ZFPM2: variants seen among roughly 807,000 people sequenced by gnomAD.
ZFPM2 encodes the protein zinc finger protein, FOG family member 2.
ZFPM2 carries 20 observed loss-of-function variants against 98.6 expected under a neutral mutation model. The ratio of observed to expected loss-of-function variants is 0.20; its 90% confidence interval spans 0.14 to 0.29. ZFPM2 has a LOEUF of 0.29. Ranked by LOEUF, ZFPM2 falls within the 10% of genes least tolerant of loss-of-function variation. The probability of loss-of-function intolerance (pLI) is 1.00; values close to 1 mark genes in which losing one functional copy is unlikely to be tolerated. For missense variants in ZFPM2, 1,310 were observed against 1,388.6 expected, an observed-to-expected ratio of 0.94 and a Z score of 0.90; for synonymous variants, 518 against 502.7, an observed-to-expected ratio of 1.03 and a Z score of -0.41.
chr8:105,712,025 AAT>A (rs1176192382), intron 5 of ZFPM2, among the ~76,000 whole-genome samples: 1 of 152,094 alleles, frequency 6.6e-6, no homozygotes, highest in Non-Finnish European at 1.5e-5. Context: ...ATTCAGCAAC[AAT>A]AAATATTTGC....
At chr8:105,682,074 A>G (rs1810618811) in intron 5 of ZFPM2, among the ~76,000 whole-genome samples, 1 of 152,210 alleles carries the variant, frequency 6.6e-6, no homozygotes, top group South Asian at 2.1e-4. Context: ...TTCACAAATG[A>G]CGTACAAGAA....
intron 1 of ZFPM2, among the ~76,000 whole-genome samples, chr8:105,332,017 A>G (rs1812242602): frequency 6.6e-6 from 1 of 151,704 alleles, no homozygotes; most frequent in Admixed American, 6.6e-5. Context: ...ATTGTTATGT[A>G]GCACTTCCCT....
At chr8:105,343,438 A>G (rs1812464496) in intron 1 of ZFPM2, among the ~76,000 whole-genome samples, 1 of 152,148 alleles carries the variant, frequency 6.6e-6, no homozygotes, top group Non-Finnish European at 1.5e-5. Flanking sequence ...AATGTTTAAT[A>G]GGAGAAGAAA....
chr8:105,474,523 T>C (rs1812974868), intron 3 of ZFPM2, among the ~76,000 whole-genome samples: 1 of 152,132 alleles, frequency 6.6e-6, no homozygotes, highest in African/African-American at 2.4e-5. Flanking sequence ...GCTTTTCCTG[T>C]CTTTTCATAA....
At chr8:105,775,260 T>C (rs1180598464) in intron 5 of ZFPM2, among the ~76,000 whole-genome samples, 3 of 151,948 alleles carry the variant, frequency 2.0e-5, no homozygotes, top group Non-Finnish European at 2.9e-5. Flanking sequence ...GATGAACTTG[T>C]ATAATTTATT....
chr8:105,753,026 G>A (rs1321000460), intron 5 of ZFPM2, among the ~76,000 whole-genome samples: 1 of 152,078 alleles, frequency 6.6e-6, no homozygotes, highest in Admixed American at 6.6e-5. Flanking sequence ...TTCTGAGTGT[G>A]TTGGAACTAT....
At chr8:105,795,448 G>A (rs558104147) in intron 6 of ZFPM2, among the ~76,000 whole-genome samples, 7 of 151,750 alleles carry the variant, frequency 4.6e-5, no homozygotes, top group Non-Finnish European at 8.8e-5. Flanking sequence ...TTTCATTAAT[G>A]CTTCTATAGT....
chr8:105,666,616 A>C (rs910193395), intron 5 of ZFPM2, among the ~76,000 whole-genome samples: 1 of 152,210 alleles, frequency 6.6e-6, no homozygotes, highest in African/African-American at 2.4e-5. Flanking sequence ...GGTCCTAAGA[A>C]ACTTTCTAGA....
chr8:105,328,752 C>T (rs1812160448), intron 1 of ZFPM2, among the ~76,000 whole-genome samples: 1 of 151,844 alleles, frequency 6.6e-6, no homozygotes, highest in Non-Finnish European at 1.5e-5. Flanking sequence ...TCTTTCTCTT[C>T]TTGAAGTGAC....
At chr8:105,506,520 C>T (rs978041541) in intron 3 of ZFPM2, among the ~76,000 whole-genome samples, 13 of 152,138 alleles carry the variant, frequency 8.5e-5, no homozygotes, top group Admixed American at 1.3e-4. Context: ...AGATACCTTC[C>T]GTCGGGAACA....
rs1217703447 is a variant in ZFPM2 at position 105,472,891 on chromosome 8, T to C, written c.301+28510T>C. Among the ~76,000 whole-genome samples the C allele has an allele frequency of 1.1e-4, 3 of 26,222 alleles. No homozygotes were observed. In the East Asian group the frequency reaches 4.2e-3, roughly 37 times the overall value. The allele number at this position is 26,222 out of a possible 152,430, so 17.2% of individuals were successfully genotyped here. On this transcript the variant is annotated intron_variant, in intron 3 of 7. Transcript: ENST00000407775. The stretch of plus-strand genomic sequence containing the variant: ...TTCCCCTCTTCTCCTAAAGGGACCT[T>C]TTTTTTTTTTTTTTTTTTTAAAGAA...
chr8:105,719,348 G>A (rs1055579398), intron 5 of ZFPM2, among the ~76,000 whole-genome samples: 4 of 151,750 alleles, frequency 2.6e-5, no homozygotes, highest in Admixed American at 6.6e-5. Flanking sequence ...AAGTACACAC[G>A]CAATACACAC....
At chr8:105,325,680 A>G (rs1317175020) in intron 1 of ZFPM2, among the ~76,000 whole-genome samples, 1 of 151,786 alleles carries the variant, frequency 6.6e-6, no homozygotes, top group East Asian at 1.9e-4. Flanking sequence ...TTGTTTGCGA[A>G]TAGAGGCTGA....
intron 3 of ZFPM2, among the ~76,000 whole-genome samples, chr8:105,488,290 A>G (rs1267724013): frequency 3.9e-5 from 6 of 152,368 alleles, no homozygotes; most frequent in Middle Eastern, 6.8e-3. Flanking sequence ...CAGCTCCAGA[A>G]TTAGGAAGAA....
intron 3 of ZFPM2, among the ~76,000 whole-genome samples, chr8:105,548,614 T>A (rs1364613383): frequency 6.6e-6 from 1 of 152,186 alleles, no homozygotes; most frequent in African/African-American, 2.4e-5. Context: ...CTTGACATTC[T>A]ATTTGTTCAT....
chr8:105,729,106 G>C (rs1254588267), intron 5 of ZFPM2, among the ~76,000 whole-genome samples: 1 of 151,710 alleles, frequency 6.6e-6, no homozygotes, highest in East Asian at 1.9e-4. Flanking sequence ...ATTTGAAAAT[G>C]AATGCATTAG....
At chr8:105,619,784 T>C (rs1048726336) in intron 4 of ZFPM2, among the ~76,000 whole-genome samples, 2 of 152,002 alleles carry the variant, frequency 1.3e-5, no homozygotes, top group African/African-American at 4.8e-5. Context: ...ATGCGGTGTT[T>C]GGTTTTCTGT....
At chr8:105,653,891 A>T (rs1243551099) in intron 5 of ZFPM2, among the ~76,000 whole-genome samples, 3 of 53,864 alleles carry the variant, frequency 5.6e-5, no homozygotes, top group African/African-American at 5.7e-5. Flanking sequence ...TTTTTTTGGC[A>T]CTCCCTCTCA....
At chr8:105,671,701 A>G (rs144148257) in intron 5 of ZFPM2, among the ~76,000 whole-genome samples, 7 of 152,122 alleles carry the variant, frequency 4.6e-5, no homozygotes, top group African/African-American at 7.2e-5. Flanking sequence ...TATATCTTTA[A>G]TAAGTAATAG....
Sources: gnomAD v4.1 joint callset for allele counts (sites outside exome capture counted in the v4.1 genomes callset) on GRCh38, gnomAD v4.1.1 for gene constraint, MANE v1.5 for transcripts, NCBI Gene and HGNC (gene_info 2026-07-23, HGNC 2026-07-21) for gene names.